SLC36A1: variants seen among roughly 807,000 people sequenced by gnomAD.
SLC36A1 encodes proton-coupled amino acid transporter 1.
Under a neutral mutation model 47.5 loss-of-function variants are expected in SLC36A1, and 30 were observed. The observed-to-expected ratio is 0.63, with a 90% CI of 0.47 to 0.86. The LOEUF (loss-of-function observed/expected upper bound fraction) is 0.86, where lower values mean the gene tolerates loss of function less well. SLC36A1 is among the 40% of genes least tolerant of loss of function. The probability of loss-of-function intolerance (pLI) is 0.00; values close to 1 mark genes in which losing one functional copy is unlikely to be tolerated. For missense variants in SLC36A1, 517 were observed against 606.0 expected, an observed-to-expected ratio of 0.85 and a Z score of 1.54; for synonymous variants, 255 against 249.7, an observed-to-expected ratio of 1.02 and a Z score of -0.20.
chr5:151,348,757 A>G, the SLC36A1 span, among the ~76,000 whole-genome samples: 2 of 152,256 alleles, frequency 1.3e-5, no homozygotes, highest in African/African-American at 4.8e-5. Flanking sequence ...ATTGAGGCTC[A>G]GAGAGGAAAA....
the SLC36A1 span, among the ~76,000 whole-genome samples, chr5:151,523,200 T>C: frequency 6.6e-6 from 1 of 152,182 alleles, no homozygotes; most frequent in African/African-American, 2.4e-5. Flanking sequence ...GAGATATTAA[T>C]AGCAACAATA....
At chr5:151,522,187 C>A in the SLC36A1 span, 19 of 941,466 alleles carry the variant, frequency 2.0e-5, no homozygotes, top group African/African-American at 2.9e-4. Context: ...CTCTGCCCCA[C>A]GCCCAACTTG....
chr5:151,449,059 C>T (rs1013384051), intron 1 of SLC36A1, among the ~76,000 whole-genome samples: 1 of 152,096 alleles, frequency 6.6e-6, no homozygotes, highest in African/African-American at 2.4e-5. Flanking sequence ...TGACCAGGGT[C>T]TGTTTGTTTT....
chr5:151,542,601 G>A, the SLC36A1 span: 3 of 1,614,162 alleles, frequency 1.9e-6, no homozygotes, highest in Non-Finnish European at 2.5e-6. Context: ...CATGGACATT[G>A]CTACCAGGGT....
chr5:151,474,095 G>A (rs971900924), intron 8 of SLC36A1, among the ~76,000 whole-genome samples: 3 of 147,558 alleles, frequency 2.0e-5, no homozygotes, highest in Admixed American at 1.4e-4. Context: ...GGGAGACGGA[G>A]GTTGCAGTGA....
intron 10 of SLC36A1, among the ~76,000 whole-genome samples, chr5:151,482,079 C>T (rs1758871498): frequency 6.6e-6 from 1 of 152,132 alleles, no homozygotes; most frequent in South Asian, 2.1e-4. Context: ...TACCTAAAAT[C>T]GCATCATCCA....
At chr5:151,540,666 G>A in the SLC36A1 span, 6 of 1,614,108 alleles carry the variant, frequency 3.7e-6, no homozygotes. Context: ...CTCTGAGCAA[G>A]TACTTGGCTG....
the SLC36A1 span, chr5:151,347,308 G>A: frequency 0.011 from 18,538 of 1,613,954 alleles, 1,724 homozygotes; most frequent in African/African-American, 0.21. Context: ...TTATGCCCTT[G>A]GTCTTCTTCA....
the SLC36A1 span, chr5:151,510,206 C>T: frequency 6.2e-7 from 1 of 1,612,122 alleles, no homozygotes; most frequent in African/African-American, 1.3e-5. Flanking sequence ...TGAGAGACCG[C>T]ACTGGCCTAG....
downstream of SLC36A1, among the ~76,000 whole-genome samples, chr5:151,494,281 G>T (rs906136138): frequency 2.6e-5 from 4 of 151,904 alleles, no homozygotes; most frequent in Non-Finnish European, 5.9e-5. Flanking sequence ...CTTGGCCATT[G>T]GTCTCCTTTT....
the SLC36A1 span, chr5:151,554,681 C>A: frequency 6.2e-7 from 1 of 1,601,632 alleles, no homozygotes; most frequent in Non-Finnish European, 8.5e-7. Flanking sequence ...CACCTGGGAG[C>A]AGAATTGAGC....
chr5:151,378,063 T>C, the SLC36A1 span: 1 of 322,402 alleles, frequency 3.1e-6, no homozygotes, highest in Non-Finnish European at 6.2e-6. Flanking sequence ...AAGGGTGATG[T>C]GATCTTCACT....
At chr5:151,403,014 G>C in the SLC36A1 span, among the ~76,000 whole-genome samples, 1 of 151,838 alleles carries the variant, frequency 6.6e-6, no homozygotes, top group Admixed American at 6.6e-5. Context: ...ATTTAGTTCC[G>C]CTCTGATTTT....
chr5:151,404,772 C>T, the SLC36A1 span, among the ~76,000 whole-genome samples: 3 of 152,206 alleles, frequency 2.0e-5, no homozygotes, highest in African/African-American at 7.2e-5. Flanking sequence ...GCTGAGAAGA[C>T]TACTGTTTAA....
intron 3 of SLC36A1, among the ~76,000 whole-genome samples, chr5:151,464,182 C>T (rs940204143): frequency 4.6e-5 from 7 of 152,160 alleles, no homozygotes; most frequent in South Asian, 4.1e-4. Context: ...ATAACTTACC[C>T]GTCTCACCTC....
chr5:151,555,370 T>TC, the SLC36A1 span, among the ~76,000 whole-genome samples: 20 of 130,604 alleles, frequency 1.5e-4, no homozygotes, highest in African/African-American at 5.1e-4. Context: ...TATATTTCTT[T>TC]TTTTTTTTTT....
At chr5:151,466,270 T>C (rs1279516129) in intron 5 of SLC36A1, among the ~76,000 whole-genome samples, 1 of 152,236 alleles carries the variant, frequency 6.6e-6, no homozygotes, top group African/African-American at 2.4e-5. Context: ...TTGATCAAGA[T>C]AGGACATAAA....
the SLC36A1 span, chr5:151,366,496 C>T: frequency 3.3e-6 from 1 of 306,052 alleles, no homozygotes; most frequent in Non-Finnish European, 6.6e-6. Context: ...GCCCAGGATG[C>T]TGATCAGGGC....
chr5:151,523,479 G>A, the SLC36A1 span, among the ~76,000 whole-genome samples: 1 of 152,184 alleles, frequency 6.6e-6, no homozygotes, highest in East Asian at 1.9e-4. Context: ...AGCAGATAAG[G>A]CCTGAGCAGA....
Sources: allele counts gnomAD v4.1 joint callset (sites outside exome capture counted in the v4.1 genomes callset), GRCh38; gene constraint gnomAD v4.1.1; transcripts MANE v1.5; gene names NCBI Gene and HGNC (gene_info 2026-07-23, HGNC 2026-07-21).